The following CELSR1 variants were observed in gnomAD, a reference collection of about 807,000 sequenced individuals.
The protein encoded by CELSR1 is adhesion G protein-coupled receptor C1.
Under a neutral mutation model 249.1 loss-of-function variants are expected in CELSR1, and 110 were observed. The ratio of observed to expected loss-of-function variants is 0.44; its 90% CI spans 0.38 to 0.52. CELSR1 has a LOEUF of 0.52. Among genes scored for constraint, CELSR1 ranks in the 20% least tolerant of loss-of-function variants. The pLI, the probability that CELSR1 is intolerant of heterozygous loss-of-function variation, is 0.00. For missense variants in CELSR1, 4,109 were observed against 4,296.4 expected (o/e 0.96, Z 1.22); for synonymous variants, 2,113 against 1,900.0 (o/e 1.11, Z -2.92).
intron 5 of CELSR1, among the ~76,000 whole-genome samples, chr22:46,418,981 G>A (rs1332406014): frequency 6.6e-6 from 1 of 152,200 alleles, no homozygotes; most frequent in African/African-American, 2.4e-5. Flanking sequence ...AGCACTGGAC[G>A]GAGATAAGCT....
intron 18 of CELSR1, among the ~76,000 whole-genome samples, chr22:46,387,863 C>T (rs2079048721): frequency 6.6e-6 from 1 of 152,154 alleles, no homozygotes; most frequent in South Asian, 2.1e-4. Flanking sequence ...TCCTCCTGAA[C>T]TCCACCAACC....
intron 22 of CELSR1, 68 bp from the exon 23 acceptor site, chr22:46,378,785 G>A (rs2078946770): frequency 1.3e-6 from 2 of 1,553,132 alleles, no homozygotes; most frequent in Middle Eastern, 2.0e-4. Context: ...GTAAAGGGCA[G>A]CCTTTGCCCA....
At chr22:46,458,640 G>A (rs924482071) in intron 2 of CELSR1, among the ~76,000 whole-genome samples, 3 of 152,206 alleles carry the variant, frequency 2.0e-5, no homozygotes, top group Non-Finnish European at 4.4e-5. Flanking sequence ...GGACCAGAGG[G>A]AAGAGGCTGG....
chr22:46,524,975 G>A (rs1325809729), intron 1 of CELSR1, among the ~76,000 whole-genome samples: 1 of 152,118 alleles, frequency 6.6e-6, no homozygotes, highest in African/African-American at 2.4e-5. Flanking sequence ...GCTCATTCCA[G>A]AAATAATCCA....
rs1304821927 is a variant in CELSR1 at position 46,437,160 on chromosome 22, A to G, written c.4407-871T>C. Among the ~76,000 whole-genome samples, 1 of 152,110 alleles carries G rather than the reference A, an allele frequency of 6.6e-6. No individual in the cohort carries two copies. The highest frequency in any genetic ancestry group is 6.5e-5 in the Admixed American group (1 of 15,272). ...AGAACTTAGAGCACGCTGAGCAAAA[A>G]CCACCTGCTCGGGCAGGAGATCATC... On this transcript the variant is annotated intron_variant, in intron 3 of 34. Coordinates refer to ENST00000674500, the MANE Select transcript of CELSR1 (RefSeq NM_001378328.1). This position sits in a 1 kb window ranked among gnomAD's most constrained non-coding sequence, Gnocchi z 4.9.
rs1458720930 is a variant in CELSR1, at chr22:46,406,149, A to G, written c.5226+2847T>C. Among the ~76,000 whole-genome samples, 1 of 152,194 alleles carries G rather than the reference A, an allele frequency of 6.6e-6. No homozygotes were observed. Among genetic ancestry groups the G allele is most frequent in the Admixed American group, 6.5e-5 (1 of 15,278 alleles). ...ACAGAGACCCCACTGCCAAATGACA[A>G]CTTGCAAGCTCCAGTTCATCACCTG... On this transcript the variant is annotated intron_variant, in intron 9 of 34. Transcript: ENST00000674500. The surrounding 1 kb of genome is among the most constrained non-coding windows in gnomAD (Gnocchi z 5.4).
Position 46,380,038 on chromosome 22 carries a change from C to A in CELSR1, c.7256+750G>T, listed in dbSNP as rs567882667. On this transcript the variant is annotated intron_variant, in intron 22 of 34. Coordinates refer to ENST00000674500, the MANE Select transcript of CELSR1 (RefSeq NM_001378328.1). The surrounding 1 kb of genome is among the most constrained non-coding windows in gnomAD (Gnocchi z 5.1). ...GAGCAACTCAAATGTCCACACCTCA[C>A]GTGAACTCTGCAGCTAAAAAGCAAA... 6.6e-6 allele frequency among the ~76,000 whole-genome samples: 1 copy of A among 152,222 alleles called. No individual in the cohort carries two copies. The highest frequency in any genetic ancestry group is 1.5e-5 in the Non-Finnish European group (1 of 68,038).
At chr22:46,476,704 G>A (rs1227152714) in intron 1 of CELSR1, among the ~76,000 whole-genome samples, 1 of 151,886 alleles carries the variant, frequency 6.6e-6, no homozygotes, top group African/African-American at 2.4e-5. Flanking sequence ...ACATAATCAT[G>A]ATTTCATTGA....
intron 2 of CELSR1, among the ~76,000 whole-genome samples, chr22:46,460,693 G>T (rs532723626): frequency 2.4e-4 from 37 of 152,182 alleles, no homozygotes; most frequent in Non-Finnish European, 5.0e-4. Context: ...CATCTAAGAT[G>T]CCGGAGCCTT....
chr22:46,424,277 C>G (rs1037763059), intron 5 of CELSR1, among the ~76,000 whole-genome samples: 5 of 151,518 alleles, frequency 3.3e-5, no homozygotes, highest in African/African-American at 1.2e-4. Flanking sequence ...TGTATTCTCC[C>G]TATGTTGCCC....
chr22:46,437,428 C>G lies in CELSR1; in HGVS notation c.4407-1139G>C, dbSNP rs939472258. Among the ~76,000 whole-genome samples the G allele has an allele frequency of 3.9e-5, 6 of 152,166 alleles. No individual in the cohort carries two copies. Among genetic ancestry groups the G allele is most frequent in the Non-Finnish European group, 1.5e-5 (1 of 68,030 alleles). ...AGCAGGAGTCGGCCCGAGCCAGCCT[C>G]GAGCATCTGACCTCAGCCTTTTCTC... On this transcript the variant is annotated intron_variant, in intron 3 of 34. Coordinates refer to ENST00000674500, the MANE Select transcript of CELSR1 (RefSeq NM_001378328.1). This position sits in a 1 kb window ranked among gnomAD's most constrained non-coding sequence, Gnocchi z 4.9.
chr22:46,366,959 C>T, intron 29 of CELSR1, 34 bp downstream of exon 29: 1 of 1,593,602 alleles, frequency 6.3e-7, no homozygotes, highest in South Asian at 1.1e-5. Context: ...TGCCGCCCAG[C>T]CCCCAGTCCC....
chr22:46,460,688 A>G (rs1434043242), intron 2 of CELSR1, among the ~76,000 whole-genome samples: 1 of 152,180 alleles, frequency 6.6e-6, no homozygotes, highest in Non-Finnish European at 1.5e-5. Flanking sequence ...AGGCACATCT[A>G]AGATGCCGGA....
intron 9 of CELSR1, among the ~76,000 whole-genome samples, chr22:46,405,431 G>A (rs1387801769): frequency 7.1e-6 from 1 of 141,766 alleles, no homozygotes; most frequent in Non-Finnish European, 1.5e-5. Flanking sequence ...CTGCACTCCA[G>A]CCTGGGTGAC....
intron 1 of CELSR1, among the ~76,000 whole-genome samples, chr22:46,477,291 C>T (rs751884357): frequency 1.3e-5 from 2 of 152,118 alleles, no homozygotes; most frequent in African/African-American, 2.4e-5. Flanking sequence ...AGGCACCAGC[C>T]GGGACTTCGA....
intron 5 of CELSR1, among the ~76,000 whole-genome samples, chr22:46,418,390 G>T (rs2079427346): frequency 6.6e-6 from 1 of 152,202 alleles, no homozygotes; most frequent in Non-Finnish European, 1.5e-5. Flanking sequence ...GGTGGCTGAG[G>T]TGGAAAATCG....
chr22:46,387,857 C>T (rs1208239567), intron 18 of CELSR1, among the ~76,000 whole-genome samples: 1 of 152,128 alleles, frequency 6.6e-6, no homozygotes, highest in African/African-American at 2.4e-5. Flanking sequence ...CAGAACTCCT[C>T]CTGAACTCCA....
chr22:46,368,781 A>G (rs1168145973), intron 27 of CELSR1, among the ~76,000 whole-genome samples: 2 of 151,468 alleles, frequency 1.3e-5, no homozygotes, highest in Non-Finnish European at 1.5e-5. Flanking sequence ...ACCCTCTGAC[A>G]GTGGGGTGGG....
chr22:46,436,105 AG>A lies in CELSR1; in HGVS notation c.4522+68del. The stretch of plus-strand genomic sequence containing the variant: ...CAGCTTGGAGGCGCTGCACAGGGCG[AG>A]GGTCGTTTTAACCCACAAAGTATCT... On this transcript the variant is annotated intron_variant, in intron 4 of 34. Transcript: ENST00000674500. The surrounding 1 kb of genome is among the most constrained non-coding windows in gnomAD (Gnocchi z 5.9). 2 of 1,222,010 alleles carry A rather than the reference AG, an allele frequency of 1.6e-6. No individual in the cohort carries two copies. The highest frequency in any genetic ancestry group is 2.3e-5 in the East Asian group (1 of 42,924). The allele number at this position is 1,222,010 out of a possible 1,614,324, so 75.7% of individuals were successfully genotyped here.
Sources: gnomAD v4.1 joint callset for allele counts (sites outside exome capture counted in the v4.1 genomes callset) on GRCh38, gnomAD v4.1.1 for gene constraint, Gnocchi (gnomAD v3.1) non-coding constraint, MANE v1.5 for transcripts, NCBI Gene and HGNC (gene_info 2026-07-23, HGNC 2026-07-21) for gene names.